Variants in STS observed in about 807,000 individuals in gnomAD.
STS encodes steryl-sulfatase.
STS carries 7 observed loss-of-function variants against 26.8 expected under a neutral mutation model. That is an observed-to-expected ratio of 0.26 (90% confidence interval 0.15 to 0.49). STS has a LOEUF of 0.49. STS is among the 20% of genes least tolerant of loss of function. The pLI is 0.98. For missense variants in STS, 434 were observed against 465.6 expected (o/e 0.93, Z 0.63); for synonymous variants, 199 against 189.4 (o/e 1.05, Z -0.42).
In STS at chrX:7,277,761, C is replaced by T. The variant is rs145344928; in HGVS notation, c.943+1674C>T. ...CAAGATTTATAAGAAGAATGCATTACGCTTAGGGCTCGTACATATACCAAT... is the reference window on the plus strand; with the variant it reads ...CAAGATTTATAAGAAGAATGCATTATGCTTAGGGCTCGTACATATACCAAT... On this transcript the variant is annotated intron_variant, in intron 7 of 10. Transcript: ENST00000674429. Among the ~76,000 whole-genome samples, 284 of 112,348 alleles carry T rather than the reference C, an allele frequency of 2.5e-3. 6 individuals carry two copies. In the East Asian group the frequency reaches 0.07, roughly 28 times the overall value.
chrX:7,184,473 C>A (rs1247977876), intron 1 of STS, among the ~76,000 whole-genome samples: 1 of 112,393 alleles, frequency 8.9e-6, no homozygotes, highest in Non-Finnish European at 1.9e-5. Flanking sequence ...ACAGGGGCTT[C>A]TGTAAATCAG....
chrX:7,304,691 G>C (rs1434375162), intron 7 of STS, among the ~76,000 whole-genome samples: 1 of 112,057 alleles, frequency 8.9e-6, no homozygotes, highest in East Asian at 2.8e-4. Context: ...ACACCAGCTG[G>C]TGAGAACAAC....
intron 2 of STS, among the ~76,000 whole-genome samples, chrX:7,201,948 C>T (rs952476899): frequency 3.6e-5 from 4 of 110,891 alleles, no homozygotes. Context: ...TAGGTGTCAG[C>T]TTGACTGGAT....
At chrX:7,315,513 A>G (rs757826677) in intron 8 of STS, among the ~76,000 whole-genome samples, 121 of 111,412 alleles carry the variant, frequency 1.1e-3, no homozygotes, top group African/African-American at 3.5e-3. Flanking sequence ...GACTCACACA[A>G]TCACAAGGTG....
At chrX:7,271,464 C>T (rs1036998025) in intron 6 of STS, among the ~76,000 whole-genome samples, 9 of 110,998 alleles carry the variant, frequency 8.1e-5, no homozygotes, top group South Asian at 7.6e-4. Context: ...CTCTAACATA[C>T]TGTGGCTCCA....
intron 7 of STS, among the ~76,000 whole-genome samples, chrX:7,297,484 G>A (rs753022150): frequency 6.3e-4 from 70 of 111,511 alleles, no homozygotes; most frequent in Admixed American, 2.4e-3. Context: ...ATCAGTTTCC[G>A]AATATCACAT....
intron 1 of STS, among the ~76,000 whole-genome samples, chrX:7,150,959 C>G (rs1049764686): frequency 8.9e-6 from 1 of 112,131 alleles, no homozygotes; most frequent in Admixed American, 9.4e-5. Flanking sequence ...TTGTGTTCTC[C>G]CCATGGGACA....
intron 2 of STS, among the ~76,000 whole-genome samples, chrX:7,252,821 CTT>C (rs1301884601): frequency 9.0e-6 from 1 of 111,683 alleles, no homozygotes; most frequent in Non-Finnish European, 1.9e-5. Flanking sequence ...ACCCCATACA[CTT>C]TGAGTTTTGA....
chrX:7,231,403 G>T (rs1203476037), intron 2 of STS, among the ~76,000 whole-genome samples: 5 of 111,993 alleles, frequency 4.5e-5, no homozygotes, highest in African/African-American at 1.6e-4. Context: ...TGAGTTCAAG[G>T]CTTCATGGCT....
At chrX:7,199,458 T>C (rs1934029501) in intron 2 of STS, among the ~76,000 whole-genome samples, 1 of 112,107 alleles carries the variant, frequency 8.9e-6, no homozygotes, top group Admixed American at 9.5e-5. Context: ...CCACTTATTA[T>C]AATAAATCGT....
intron 8 of STS, among the ~76,000 whole-genome samples, chrX:7,323,296 C>G (rs1927146061): frequency 9.2e-6 from 1 of 109,199 alleles, no homozygotes; most frequent in Non-Finnish European, 1.9e-5. Flanking sequence ...TTGCATTATG[C>G]TGAGGTTTGG....
At chrX:7,177,117 A>G (rs1933586213) in intron 1 of STS, among the ~76,000 whole-genome samples, 1 of 111,444 alleles carries the variant, frequency 9.0e-6, no homozygotes, top group Non-Finnish European at 1.9e-5. Context: ...AACCCTTAAT[A>G]TAATCACATC....
At chrX:7,328,555 AT>A (rs144329312) in intron 9 of STS, among the ~76,000 whole-genome samples, 2,436 of 87,141 alleles carry the variant, frequency 0.028, 84 homozygotes, top group African/African-American at 0.099. Flanking sequence ...TGCTGACCTC[AT>A]TTTTTTTTTT....
At chrX:7,199,786 T>G (rs751969357) in intron 2 of STS, among the ~76,000 whole-genome samples, 32 of 111,573 alleles carry the variant, frequency 2.9e-4, no homozygotes, top group African/African-American at 1.0e-3. Context: ...CTTATGTTCT[T>G]TGCTTTTTAA....
Position 7,204,235 on chromosome X carries a change from A to C in STS, c.-5+13227A>C, listed in dbSNP as rs1601649063. On this transcript the variant is annotated intron_variant, in intron 2 of 10. Coordinates refer to ENST00000674429, the MANE Select transcript of STS (RefSeq NM_001320752.2). ...CTAGTGTTTAATTTATTTTTTCTTC[A>C]AGTCTCCTACTTCTTAATTTTCTAA... 3.6e-5 allele frequency among the ~76,000 whole-genome samples: 4 copies of C among 111,718 alleles called. No individual in the cohort carries two copies. In the South Asian group the frequency reaches 1.5e-3, roughly 42 times the overall value.
At position 7,190,905 on chromosome X, in the gene STS, C is replaced by T; in HGVS notation, c.-108C>T. The T allele has an allele frequency of 1.6e-6, 1 of 637,920 alleles. No homozygotes were observed. The allele number at this position is 637,920 out of a possible 1,213,427, so 52.6% of individuals were successfully genotyped here. On this transcript the variant is annotated 5_prime_UTR_variant, in exon 2 of 11. Transcript: ENST00000674429. The stretch of plus-strand genomic sequence containing the variant: ...GAAGAGCCCGATGCCCTTGGTTTGA[C>T]TCTACTAAGAGCCCCTCAGTTGCTG...
At chrX:7,236,624 T>G (rs1352449352) in intron 2 of STS, among the ~76,000 whole-genome samples, 5 of 105,713 alleles carry the variant, frequency 4.7e-5, no homozygotes, top group Non-Finnish European at 9.8e-5. Flanking sequence ...TTAAGAAATT[T>G]CTAATATTAC....
At chrX:7,291,525 A>T (rs1279568980) in intron 7 of STS, among the ~76,000 whole-genome samples, 5 of 112,478 alleles carry the variant, frequency 4.4e-5, no homozygotes, top group Non-Finnish European at 7.5e-5. Context: ...GAAGCAAAAA[A>T]ATTAAAACAG....
intron 1 of STS, among the ~76,000 whole-genome samples, chrX:7,171,671 T>C (rs1436127038): frequency 1.8e-5 from 2 of 111,661 alleles, no homozygotes; most frequent in Non-Finnish European, 3.8e-5. Flanking sequence ...TAATTGCGAA[T>C]TATTTTCCAG....
Sources: allele counts gnomAD v4.1 joint callset (sites outside exome capture counted in the v4.1 genomes callset), GRCh38; gene constraint gnomAD v4.1.1; transcripts MANE v1.5; gene names NCBI Gene and HGNC (gene_info 2026-07-23, HGNC 2026-07-21).